ROR1: variants seen among roughly 807,000 people sequenced by gnomAD.
ROR1 encodes the protein inactive tyrosine-protein kinase transmembrane receptor ROR1.
Under a neutral mutation model 78.8 loss-of-function variants are expected in ROR1, and 19 were observed. The ratio of observed to expected loss-of-function variants is 0.24; its 90% CI spans 0.17 to 0.35. The LOEUF (loss-of-function observed/expected upper bound fraction) is 0.35. Ranked by LOEUF, ROR1 falls within the 10% of genes least tolerant of loss-of-function variation. ROR1 has a pLI of 1.00. For synonymous variants in ROR1, 386 were observed against 433.6 expected (o/e 0.89, Z 1.36); for missense variants, 917 against 1,177.8 (o/e 0.78, Z 3.24).
At chr1:64,167,067 A>G (rs1650108653) in intron 8 of ROR1, among the ~76,000 whole-genome samples, 1 of 152,178 alleles carries the variant, frequency 6.6e-6, no homozygotes, top group Non-Finnish European at 1.5e-5. Context: ...AATTGGCCCA[A>G]AGTCACAAAT....
At chr1:63,970,865 A>C (rs1342520108) in intron 1 of ROR1, among the ~76,000 whole-genome samples, 1 of 152,228 alleles carries the variant, frequency 6.6e-6, no homozygotes, top group East Asian at 1.9e-4. Flanking sequence ...TGGTGGAACC[A>C]ATGCAGGCAG....
intron 8 of ROR1, 152 bp downstream of exon 8, chr1:64,159,344 C>CT (rs1291516798): frequency 1.6e-6 from 1 of 639,558 alleles, no homozygotes; most frequent in African/African-American, 1.8e-5. Flanking sequence ...GACGAACTAC[C>CT]TACCTCTATC....
intron 1 of ROR1, among the ~76,000 whole-genome samples, chr1:63,796,784 G>A (rs1644763792): frequency 6.6e-6 from 1 of 152,178 alleles, no homozygotes. Flanking sequence ...AGGAGGAGTT[G>A]CAGAGTCGAG....
At chr1:64,123,594 A>G (rs1234259987) in intron 4 of ROR1, among the ~76,000 whole-genome samples, 2 of 152,214 alleles carry the variant, frequency 1.3e-5, no homozygotes, top group African/African-American at 4.8e-5. Context: ...AAAAATGTAC[A>G]AACAGTTCAT....
At chr1:64,022,033 A>G (rs1646569071) in intron 2 of ROR1, among the ~76,000 whole-genome samples, 1 of 152,224 alleles carries the variant, frequency 6.6e-6, no homozygotes, top group Admixed American at 6.5e-5. Context: ...AAAGAGTGGT[A>G]CAGACATACA....
At chr1:63,932,029 A>T (rs1239137925) in intron 1 of ROR1, among the ~76,000 whole-genome samples, 1 of 152,144 alleles carries the variant, frequency 6.6e-6, no homozygotes, top group Non-Finnish European at 1.5e-5. Context: ...CATATTATGT[A>T]CTCATAATAA....
At chr1:63,898,413 AAT>A (rs1645458049) in intron 1 of ROR1, among the ~76,000 whole-genome samples, 2 of 151,974 alleles carry the variant, frequency 1.3e-5, no homozygotes, top group South Asian at 4.1e-4. Context: ...AAAAGGAAAG[AAT>A]AAAAGAAGAA....
intron 1 of ROR1, among the ~76,000 whole-genome samples, chr1:63,936,036 A>C (rs1645791692): frequency 6.6e-6 from 1 of 152,226 alleles, no homozygotes; most frequent in South Asian, 2.1e-4. Flanking sequence ...CCAGGAATAA[A>C]ATGGGAAAGT....
At chr1:64,118,290 A>G (rs1227284967) in intron 4 of ROR1, among the ~76,000 whole-genome samples, 1 of 152,242 alleles carries the variant, frequency 6.6e-6, no homozygotes, top group East Asian at 1.9e-4. Flanking sequence ...AAACATTGTA[A>G]GCCTGGCCTT....
At chr1:64,061,939 T>C (rs1365788989) in intron 4 of ROR1, among the ~76,000 whole-genome samples, 2 of 152,214 alleles carry the variant, frequency 1.3e-5, no homozygotes, top group African/African-American at 2.4e-5. Context: ...ATCACCCTCT[T>C]TTATCTGTCA....
chr1:63,793,497 T>C (rs1644739093), intron 1 of ROR1, among the ~76,000 whole-genome samples: 1 of 152,246 alleles, frequency 6.6e-6, no homozygotes, highest in Admixed American at 6.5e-5. Context: ...TCTGAAAATA[T>C]GTACATCTAT....
chr1:64,071,498 A>G (rs58794205), intron 4 of ROR1, among the ~76,000 whole-genome samples: 15,215 of 152,114 alleles, frequency 0.1, 864 homozygotes, highest in African/African-American at 0.14. Flanking sequence ...ATCTGCATCC[A>G]AAATGCCTAA....
chr1:63,987,871 C>T (rs536546552), intron 1 of ROR1, among the ~76,000 whole-genome samples: 1 of 152,218 alleles, frequency 6.6e-6, no homozygotes, highest in South Asian at 2.1e-4. Context: ...AGTAAAATAG[C>T]AAATTGAGTA....
At chr1:63,857,289 A>G (rs1442223723) in intron 1 of ROR1, among the ~76,000 whole-genome samples, 1 of 151,836 alleles carries the variant, frequency 6.6e-6, no homozygotes, top group African/African-American at 2.4e-5. Context: ...TATTTTTTGT[A>G]GCCTCTCCTT....
At chr1:63,985,419 C>T (rs962732515) in intron 1 of ROR1, among the ~76,000 whole-genome samples, 2 of 151,998 alleles carry the variant, frequency 1.3e-5, no homozygotes, top group African/African-American at 4.8e-5. Flanking sequence ...AATGTTAATT[C>T]GAATTTCCAA....
chr1:63,879,752 C>A (rs1645311060), intron 1 of ROR1, among the ~76,000 whole-genome samples: 1 of 152,008 alleles, frequency 6.6e-6, no homozygotes, highest in Non-Finnish European at 1.5e-5. Flanking sequence ...TCAAAACAGA[C>A]CTGAGTAATG....
At chr1:64,103,260 T>C (rs1249218702) in intron 4 of ROR1, among the ~76,000 whole-genome samples, 1 of 151,974 alleles carries the variant, frequency 6.6e-6, no homozygotes, top group Non-Finnish European at 1.5e-5. Flanking sequence ...ATTGGTAGCT[T>C]GATGGGGATG....
At position 64,056,233 on chromosome 1, in the gene ROR1, T is replaced by A. The variant is rs368796088; in HGVS notation, c.482+5517T>A. On this transcript the variant is annotated intron_variant, in intron 4 of 8. Transcript: ENST00000371079. ...GTTATATGGTAATTCTATGTTTAAC[T>A]TTTTGAGGAACTGCAAAACTGTTTT... 5.9e-5 allele frequency among the ~76,000 whole-genome samples: 9 copies of A among 152,182 alleles called. No homozygotes were observed. The East Asian group carries it at 1.5e-3, about 26-fold the overall frequency.
intron 1 of ROR1, among the ~76,000 whole-genome samples, chr1:63,923,691 G>T (rs58091797): frequency 0.029 from 4,389 of 151,264 alleles, 227 homozygotes; most frequent in African/African-American, 0.1. Flanking sequence ...CATCTAGAGT[G>T]ATTTTATTAA....
Sources: allele counts gnomAD v4.1 joint callset (sites outside exome capture counted in the v4.1 genomes callset), GRCh38; gene constraint gnomAD v4.1.1; transcripts MANE v1.5; gene names NCBI Gene and HGNC (gene_info 2026-07-23, HGNC 2026-07-21).